The following FGFR1 variants were observed in gnomAD, a reference collection of about 807,000 sequenced individuals.
FGFR1 encodes FGFR1/PLAG1 fusion.
A neutral mutation model predicts 93.7 loss-of-function variants in FGFR1; 18 were observed. That is an observed-to-expected ratio of 0.19 (90% CI 0.13 to 0.28). The LOEUF (loss-of-function observed/expected upper bound fraction) is 0.28, where lower values mean the gene tolerates loss of function less well. FGFR1 is among the 10% of genes least tolerant of loss of function. The pLI is 1.00. For missense variants in FGFR1, 731 were observed against 1,080.4 expected (o/e 0.68, Z 4.53); for synonymous variants, 448 against 429.3 (o/e 1.04, Z -0.54).
At chr8:38,437,910 C>T (rs1825985367) in intron 2 of FGFR1, among the ~76,000 whole-genome samples, 1 of 152,200 alleles carries the variant, frequency 6.6e-6, no homozygotes, top group Admixed American at 6.5e-5. Flanking sequence ...TTATCCATCC[C>T]CAAACCCCAC....
chr8:38,464,179 G>T (rs144854226), intron 1 of FGFR1, among the ~76,000 whole-genome samples: 1 of 152,116 alleles, frequency 6.6e-6, no homozygotes, highest in African/African-American at 2.4e-5. Context: ...AGCCGGACAT[G>T]GTGGCGCATG....
intron 1 of FGFR1, chr8:38,458,771 T>C (rs1489966258): frequency 9.1e-6 from 2 of 220,230 alleles, no homozygotes; most frequent in Non-Finnish European, 1.8e-5. Context: ...TTTTTGTCTC[T>C]AAAATTGTAC....
intron 2 of FGFR1, among the ~76,000 whole-genome samples, chr8:38,449,845 G>A (rs977595216): frequency 6.6e-6 from 1 of 152,246 alleles, no homozygotes; most frequent in Non-Finnish European, 1.5e-5. Flanking sequence ...GAAGGCAGTA[G>A]ATACCTGTTT....
At chr8:38,444,399 TTTTC>T (rs1828627226) in intron 2 of FGFR1, among the ~76,000 whole-genome samples, 1 of 151,730 alleles carries the variant, frequency 6.6e-6, no homozygotes, top group African/African-American at 2.4e-5. Context: ...TTTTTTTTTT[TTTTC>T]TTTGAGACAG....
rs903239767 is a variant in FGFR1, at chr8:38,416,003, T to C, written c.1721A>G (p.Gln574Arg). 9 of 1,613,836 alleles carry C rather than the reference T, an allele frequency of 5.6e-6. No individual in the cohort carries two copies. Among genetic ancestry groups the C allele is most frequent in the Non-Finnish European group, 7.6e-6 (9 of 1,180,004 alleles). ...TTCCAGCCCTGGGGGCCTCCGGGCC[T>C]GCAGGTACTCCCGCAGGTTGCCCTT... ...ASKGNLREYL[Q>R]ARRPPGLEYC... Residue 574 changes from glutamine to arginine, a missense_variant, in exon 13 of 18, where the codon CAG (glutamine) becomes CGG (arginine). Physicochemically the swap from Gln to Arg is conservative, Grantham distance 43. This residue lies in a region of FGFR1 where 39 missense variants were observed against 39.2 expected (regional missense o/e 1.00). Coordinates refer to ENST00000447712, the MANE Select transcript of FGFR1 (RefSeq NM_023110.3).
chr8:38,462,298 G>A (rs2151438471), intron 1 of FGFR1, among the ~76,000 whole-genome samples: 1 of 152,232 alleles, frequency 6.6e-6, no homozygotes, highest in South Asian at 2.1e-4. Flanking sequence ...GAGGTCAAGA[G>A]GTCGACACCA....
At chr8:38,440,975 C>T (rs1827233183) in intron 2 of FGFR1, among the ~76,000 whole-genome samples, 1 of 152,188 alleles carries the variant, frequency 6.6e-6, no homozygotes, top group African/African-American at 2.4e-5. Flanking sequence ...AGATTTCGGC[C>T]TTTTGTGCGT....
chr8:38,428,378 T>C lies in FGFR1; in HGVS notation c.416A>G (p.Lys139Arg), dbSNP rs770745123. The C allele has an allele frequency of 1.9e-6, 3 of 1,614,174 alleles. No homozygotes were observed. Among genetic ancestry groups the C allele is most frequent in the Non-Finnish European group, 2.5e-6 (3 of 1,180,030 alleles). The change falls in exon 4 of 18, where the codon AAA becomes AGA. Residue 139 changes from lysine to arginine, a missense_variant. This residue lies in a region of FGFR1 where 212 missense variants were observed against 205.8 expected (regional missense o/e 1.03). Transcript: ENST00000447712. ...DDDDDSSSEE[K>R]ETDNTKPNRM... ...GTTTGGTTTGGTGTTATCTGTTTCT[T>C]TCTCCTCTGAAGAGGAGTCATCATC...
chr8:38,431,149 A>G (rs1361245609), intron 2 of FGFR1, among the ~76,000 whole-genome samples: 2 of 152,210 alleles, frequency 1.3e-5, no homozygotes, highest in Non-Finnish European at 2.9e-5. Context: ...TAAGGCTCTG[A>G]AACAGCATGT....
rs760875320 is a variant in FGFR1, at chr8:38,415,047, C to A, written c.1855-146G>T. The A allele has an allele frequency of 1.1e-5, 7 of 652,898 alleles. No homozygotes were observed. In the South Asian group the frequency reaches 1.3e-4, roughly 12 times the overall value. The allele number at this position is 652,898 out of a possible 1,614,324, so 40.4% of individuals were successfully genotyped here. ...CCCCCGAACCTTTGCTTTCCCTCTT[C>A]TAACATTCTCTGCCAGCTCCAGGCT... is the stretch of plus-strand genomic sequence containing the variant. On this transcript the variant is annotated intron_variant, in intron 13 of 17. Transcript: ENST00000447712.
At chr8:38,432,316 T>C (rs1404904473) in intron 2 of FGFR1, among the ~76,000 whole-genome samples, 1 of 152,154 alleles carries the variant, frequency 6.6e-6, no homozygotes, top group Non-Finnish European at 1.5e-5. Flanking sequence ...ACCAGCTCGC[T>C]TTCCTCCTGA....
chr8:38,432,184 G>C (rs1823395647), intron 2 of FGFR1, among the ~76,000 whole-genome samples: 1 of 152,042 alleles, frequency 6.6e-6, no homozygotes, highest in Admixed American at 6.6e-5. Context: ...TGCAGCAAAG[G>C]AACACTGGCC....
intron 1 of FGFR1, among the ~76,000 whole-genome samples, chr8:38,460,600 CTTG>C (rs1834157277): frequency 6.6e-6 from 1 of 152,234 alleles, no homozygotes; most frequent in Non-Finnish European, 1.5e-5. Flanking sequence ...CAGCTTCCCT[CTTG>C]TTCTTTCCCA....
At chr8:38,441,501 T>C (rs1162856553) in intron 2 of FGFR1, among the ~76,000 whole-genome samples, 1 of 152,158 alleles carries the variant, frequency 6.6e-6, no homozygotes. Context: ...ACTGATACAT[T>C]AAGGACAGAG....
intron 7 of FGFR1, chr8:38,422,835 G>A (rs939859845): frequency 1.7e-6 from 1 of 575,452 alleles, no homozygotes; most frequent in Non-Finnish European, 3.1e-6. Flanking sequence ...AAGGCAGAGA[G>A]GGAACCCACA....
At chr8:38,415,720 C>T in intron 13 of FGFR1, 150 bp downstream of exon 13, 1 of 820,160 alleles carries the variant, frequency 1.2e-6, no homozygotes, top group Non-Finnish European at 2.0e-6. Flanking sequence ...TCTGCAGTTC[C>T]CAGAGAGCCT....
intron 2 of FGFR1, among the ~76,000 whole-genome samples, chr8:38,432,915 C>CG (rs1238861395): frequency 1.4e-5 from 2 of 140,680 alleles, no homozygotes; most frequent in South Asian, 4.9e-4. Flanking sequence ...CGCGCCCCCC[C>CG]CCCTCCCCAG....
intron 7 of FGFR1, chr8:38,423,304 C>T (rs1364328480): frequency 1.7e-6 from 1 of 599,600 alleles, no homozygotes; most frequent in Non-Finnish European, 2.9e-6. Flanking sequence ...TATTACCTTT[C>T]CCTTTTAGTT....
intron 1 of FGFR1, among the ~76,000 whole-genome samples, chr8:38,460,685 G>A (rs775328992): frequency 6.6e-6 from 1 of 152,094 alleles, no homozygotes; most frequent in Non-Finnish European, 1.5e-5. Context: ...AAACAAGGAT[G>A]TTAAGAAAAC....
Sources: allele counts gnomAD v4.1 joint callset (sites outside exome capture counted in the v4.1 genomes callset), GRCh38; gene constraint gnomAD v4.1.1; regional missense constraint gnomAD v4.1.1; transcripts MANE v1.5; gene names NCBI Gene and HGNC (gene_info 2026-07-23, HGNC 2026-07-21).